Variants in VPS37B observed in about 807,000 individuals in gnomAD.
VPS37B encodes the protein VPS37B subunit of ESCRT-I.
A neutral mutation model predicts 21.2 loss-of-function variants in VPS37B; 11 were observed. The observed-to-expected ratio is 0.52, with a 90% CI of 0.33 to 0.86. The LOEUF (loss-of-function observed/expected upper bound fraction) is 0.86. Ranked by LOEUF, VPS37B falls within the 40% of genes least tolerant of loss-of-function variation. The pLI is 0.03. For synonymous variants in VPS37B, 175 were observed against 159.6 expected, an observed-to-expected ratio of 1.10 and a Z score of -0.73; for missense variants, 389 against 374.8, an observed-to-expected ratio of 1.04 and a Z score of -0.31.
chr12:122,870,891 T>C lies in VPS37B; in HGVS notation c.282A>G (p.Leu94=). ...FEAYQIKKTK[L]DRQSSSASLE... ...GAATGATCACCCTTAAAAAGTTACC[T>C]AATTTGGTCTTCTTTATCTGATAGG... The change falls in exon 2 of 4, where the codon TTA becomes TTG. Residue 94 remains leucine, a splice_region_variant and synonymous_variant. Coordinates refer to ENST00000267202, the MANE Select transcript of VPS37B (RefSeq NM_024667.3). The C allele has an allele frequency of 6.2e-7, 1 of 1,611,656 alleles. No homozygotes were observed. Among genetic ancestry groups the C allele is most frequent in the Non-Finnish European group, 8.5e-7 (1 of 1,179,044 alleles).
At chr12:122,890,335 G>A (rs2135712793) in intron 1 of VPS37B, among the ~76,000 whole-genome samples, 1 of 148,920 alleles carries the variant, frequency 6.7e-6, no homozygotes, top group East Asian at 1.9e-4. Context: ...ATTCACACGT[G>A]GCTTTTTTTT....
At chr12:122,883,366 G>A (rs2034276252) in intron 1 of VPS37B, 1 of 152,188 alleles carries the variant, frequency 6.6e-6, no homozygotes, top group Non-Finnish European at 1.5e-5. Context: ...AAAAAGCTAG[G>A]CTCGAAAATA....
rs1327830234 is a variant in VPS37B, at chr12:122,896,085, C to G, written c.-23G>C. Reference sequence around the variant, plus strand: ...CATCCCCACGTCTCGGCCGTCGTCGCCACCGCCGCTGCGGCCACCAGGCTC... The same window carrying G: ...CATCCCCACGTCTCGGCCGTCGTCGGCACCGCCGCTGCGGCCACCAGGCTC... On this transcript the variant is annotated 5_prime_UTR_variant, in exon 1 of 4. Coordinates refer to ENST00000267202, the MANE Select transcript of VPS37B (RefSeq NM_024667.3). The G allele has an allele frequency of 6.4e-7, 1 of 1,554,576 alleles. No homozygotes were observed. The highest frequency in any genetic ancestry group is 2.5e-5 in the East Asian group (1 of 39,834).
intron 1 of VPS37B, chr12:122,889,836 T>G (rs1385347753): frequency 3.3e-5 from 5 of 151,924 alleles, no homozygotes. Context: ...ACCCTGGCAC[T>G]CCCCCTCACC....
At position 122,868,575 on chromosome 12, in the gene VPS37B, C is replaced by T. The variant is rs1018926775; in HGVS notation, c.284-13G>A. On this transcript the variant is annotated splice_polypyrimidine_tract_variant and intron_variant, in intron 2 of 3. Transcript: ENST00000267202. This position sits in a 1 kb window ranked among gnomAD's most constrained non-coding sequence, Gnocchi z 5.5. Reference sequence around the variant, plus strand: ...CTAGACTGTCTGTCTGGAAAAAAAGCAAGAGGTATGACAAAAGTGAGAGGT... The same window carrying T: ...CTAGACTGTCTGTCTGGAAAAAAAGTAAGAGGTATGACAAAAGTGAGAGGT... 3.1e-6 allele frequency: 5 copies of T among 1,611,802 alleles called. No homozygotes were observed. The African/African-American group carries it at 4.0e-5, about 13-fold the overall frequency.
At chr12:122,873,881 C>G (rs2034088998) in intron 1 of VPS37B, 1 of 152,202 alleles carries the variant, frequency 6.6e-6, no homozygotes, top group Admixed American at 6.5e-5. Flanking sequence ...TGAAGATCTG[C>G]TGAATGAATC....
At chr12:122,891,184 C>T (rs777576690) in intron 1 of VPS37B, among the ~76,000 whole-genome samples, 1 of 152,182 alleles carries the variant, frequency 6.6e-6, no homozygotes, top group South Asian at 2.1e-4. Context: ...GTTCTGACTC[C>T]GACCACTGTG....
intron 1 of VPS37B, chr12:122,874,478 C>G (rs774895711): frequency 2.6e-5 from 4 of 152,138 alleles, no homozygotes; most frequent in Non-Finnish European, 5.9e-5. Flanking sequence ...GGGTTTAAGT[C>G]AAGTCAAAAT....
Position 122,867,437 on chromosome 12 carries a change from C to A in VPS37B, c.537G>T (p.Arg179Ser). ...LPQALAPLPPRLPELAPTAPL... is the reference protein window; with the variant it reads ...LPQALAPLPPSLPELAPTAPL... ...GGGCGGTAGGTGCCAGTTCGGGCAG[C>A]CTGGGGGGCAGCGGGGCCAGGGCCT... The change falls in exon 4 of 4, where the codon AGG (arginine) becomes AGT (serine). Residue 179 changes from arginine to serine, a missense_variant. Coordinates refer to ENST00000267202, the MANE Select transcript of VPS37B (RefSeq NM_024667.3). The surrounding 1 kb of genome is among the most constrained non-coding windows in gnomAD (Gnocchi z 5.5). 1 of 1,608,710 alleles carries A rather than the reference C, an allele frequency of 6.2e-7. No individual in the cohort carries two copies. Among genetic ancestry groups the A allele is most frequent in the South Asian group, 1.1e-5 (1 of 90,902 alleles).
intron 1 of VPS37B, chr12:122,872,591 T>C (rs2034059858): frequency 1.0e-6 from 1 of 985,290 alleles, no homozygotes. Context: ...CGTCACCCGC[T>C]TCCCCACCCA....
At chr12:122,871,389 G>T (rs1180227210) in intron 1 of VPS37B, 2 of 1,047,166 alleles carry the variant, frequency 1.9e-6, no homozygotes, top group South Asian at 4.2e-5. Flanking sequence ...GCTTGCAGAA[G>T]TAAACAGCTG....
chr12:122,874,585 T>G (rs1456262193), intron 1 of VPS37B: 1 of 152,134 alleles, frequency 6.6e-6, no homozygotes, highest in Admixed American at 6.5e-5. Context: ...TTCTGGGGTC[T>G]GGGGAAAAAA....
At chr12:122,874,314 T>A (rs749124174) in intron 1 of VPS37B, 1 of 152,218 alleles carries the variant, frequency 6.6e-6, no homozygotes, top group Non-Finnish European at 1.5e-5. Context: ...CAAATCTCAA[T>A]GTCCCGACCA....
intron 1 of VPS37B, chr12:122,888,599 A>G: frequency 2.2e-6 from 1 of 456,090 alleles, no homozygotes; most frequent in South Asian, 1.5e-5. Context: ...GGCATTCCTC[A>G]GCTCAAGAAC....
At chr12:122,891,812 G>A (rs994728943) in intron 1 of VPS37B, among the ~76,000 whole-genome samples, 1 of 152,162 alleles carries the variant, frequency 6.6e-6, no homozygotes, top group Non-Finnish European at 1.5e-5. Flanking sequence ...AATCACACCC[G>A]AACACGCCTT....
chr12:122,891,603 T>C (rs956248907), intron 1 of VPS37B, among the ~76,000 whole-genome samples: 14 of 152,246 alleles, frequency 9.2e-5, no homozygotes, highest in Non-Finnish European at 1.6e-4. Context: ...TTGAAGCCTT[T>C]ACACGTACAT....
In VPS37B at chr12:122,871,290, T is replaced by G. The variant is rs938985965; in HGVS notation, c.112-229A>C. On this transcript the variant is annotated intron_variant, in intron 1 of 3. Transcript: ENST00000267202. ...TGAGGCCGACTTCCTTCCAGCACGT[T>G]TCCAGGACAGGCTTTGTCCTGTGAC... 7.7e-6 allele frequency: 10 copies of G among 1,302,310 alleles called. No homozygotes were observed. In the African/African-American group the frequency reaches 1.3e-4, roughly 18 times the overall value. 80.7% of individuals were successfully genotyped at this position (1,302,310 alleles called of 1,614,324 possible).
At chr12:122,873,820 G>A (rs1044583865) in intron 1 of VPS37B, 3 of 152,118 alleles carry the variant, frequency 2.0e-5, no homozygotes, top group Admixed American at 6.5e-5. Flanking sequence ...AAATACAGAC[G>A]ACACACTTGT....
intron 1 of VPS37B, among the ~76,000 whole-genome samples, chr12:122,893,135 T>G (rs1420583009): frequency 6.6e-6 from 1 of 151,964 alleles, no homozygotes; most frequent in Non-Finnish European, 1.5e-5. Flanking sequence ...ATTCTTGAAA[T>G]GGGATCCTAG....
Sources: gnomAD v4.1 joint callset for allele counts (sites outside exome capture counted in the v4.1 genomes callset) on GRCh38, gnomAD v4.1.1 for gene constraint, Gnocchi (gnomAD v3.1) non-coding constraint, MANE v1.5 for transcripts, NCBI Gene and HGNC (gene_info 2026-07-23, HGNC 2026-07-21) for gene names.